MRTFA: variants seen among roughly 807,000 people sequenced by gnomAD.
The protein encoded by MRTFA is myocardin related transcription factor A.
In MRTFA, 20 loss-of-function variants were observed where a neutral mutation model predicts 83.5. The observed-to-expected ratio is 0.24, with a 90% CI of 0.17 to 0.35. The LOEUF (loss-of-function observed/expected upper bound fraction) is 0.35. MRTFA is among the 10% of genes least tolerant of loss of function. The pLI is 1.00. For missense variants in MRTFA, 1,200 were observed against 1,224.7 expected, an observed-to-expected ratio of 0.98 and a Z score of 0.30; for synonymous variants, 659 against 541.2, an observed-to-expected ratio of 1.22 and a Z score of -3.02.
chr22:40,550,064 A>G (rs533085802), intron 3 of MRTFA, among the ~76,000 whole-genome samples: 2 of 150,618 alleles, frequency 1.3e-5, no homozygotes, highest in Admixed American at 1.3e-4. Context: ...AAAAAAAAAA[A>G]AAAATTAAAT....
intron 4 of MRTFA, among the ~76,000 whole-genome samples, chr22:40,441,771 A>G (rs2053279814): frequency 6.6e-6 from 1 of 151,752 alleles, no homozygotes; most frequent in African/African-American, 2.4e-5. Context: ...TGGGTGACAG[A>G]GCAAGACTCC....
At chr22:40,624,520 T>C (rs1713511707) in intron 1 of MRTFA, among the ~76,000 whole-genome samples, 1 of 151,366 alleles carries the variant, frequency 6.6e-6, no homozygotes, top group East Asian at 1.9e-4. Context: ...TAAAAACAGG[T>C]GCATTCAACC....
intron 2 of MRTFA, chr22:40,586,819 CT>C: frequency 2.6e-6 from 1 of 389,030 alleles, no homozygotes; most frequent in Non-Finnish European, 5.1e-6. Context: ...CAACAACCTT[CT>C]TTCCTTTCTT....
chr22:40,622,906 G>A (rs1055621611), intron 1 of MRTFA, among the ~76,000 whole-genome samples: 2 of 152,226 alleles, frequency 1.3e-5, no homozygotes, highest in African/African-American at 4.8e-5. Context: ...TGATTAAGAA[G>A]TGATCAGATT....
intron 2 of MRTFA, among the ~76,000 whole-genome samples, chr22:40,584,114 A>C (rs1163836004): frequency 6.6e-6 from 1 of 152,234 alleles, no homozygotes; most frequent in African/African-American, 2.4e-5. Flanking sequence ...ATGGGAAAAA[A>C]ATCAGGATGG....
chr22:40,574,337 C>A (rs2055838347), intron 2 of MRTFA, among the ~76,000 whole-genome samples: 1 of 152,138 alleles, frequency 6.6e-6, no homozygotes, highest in African/African-American at 2.4e-5. Context: ...TGAATGGCTG[C>A]ATCTATACTG....
chr22:40,596,002 C>A (rs1452871714), intron 1 of MRTFA, among the ~76,000 whole-genome samples: 1 of 151,078 alleles, frequency 6.6e-6, no homozygotes, highest in Non-Finnish European at 1.5e-5. Flanking sequence ...GCCCTGAAGC[C>A]TTTCATAATC....
chr22:40,582,534 C>T (rs984249965), intron 2 of MRTFA, among the ~76,000 whole-genome samples: 20 of 152,072 alleles, frequency 1.3e-4, no homozygotes, highest in African/African-American at 4.8e-4. Flanking sequence ...GTGCTGAATT[C>T]CTATGAGTTG....
intron 4 of MRTFA, 147 bp downstream of exon 4, chr22:40,463,074 T>C (rs2053743389): frequency 1.4e-6 from 1 of 728,388 alleles, no homozygotes; most frequent in Admixed American, 2.2e-5. Context: ...GATTGAGCTC[T>C]AAACTTGGAA....
At chr22:40,535,384 C>T (rs2055153247) in intron 3 of MRTFA, among the ~76,000 whole-genome samples, 1 of 123,106 alleles carries the variant, frequency 8.1e-6, no homozygotes, top group African/African-American at 3.2e-5. Context: ...GACTAGGTCT[C>T]ACTCTGTCCC....
intron 3 of MRTFA, among the ~76,000 whole-genome samples, chr22:40,483,889 T>C (rs996839439): frequency 6.6e-6 from 1 of 151,874 alleles, no homozygotes; most frequent in African/African-American, 2.4e-5. Context: ...TTTGTTTTTG[T>C]AGAGATGGTG....
At chr22:40,544,927 AAAATAAAT>A (rs537218672) in intron 3 of MRTFA, among the ~76,000 whole-genome samples, 234 of 151,146 alleles carry the variant, frequency 1.5e-3, no homozygotes, top group African/African-American at 5.3e-3. Context: ...ACTGTCTTGA[AAAATAAAT>A]AAATAAATAA....
intron 4 of MRTFA, among the ~76,000 whole-genome samples, chr22:40,438,486 T>C (rs1239893366): frequency 6.6e-6 from 1 of 152,104 alleles, no homozygotes; most frequent in Non-Finnish European, 1.5e-5. Context: ...AGAAGAACAA[T>C]TCACCAGAAC....
At chr22:40,491,240 G>T (rs2054267015) in intron 3 of MRTFA, among the ~76,000 whole-genome samples, 1 of 152,156 alleles carries the variant, frequency 6.6e-6, no homozygotes, top group Non-Finnish European at 1.5e-5. Flanking sequence ...TACTCAGGAG[G>T]CTGAGGCTGG....
At chr22:40,513,372 G>A (rs867142675) in intron 3 of MRTFA, among the ~76,000 whole-genome samples, 11 of 152,000 alleles carry the variant, frequency 7.2e-5, no homozygotes, top group Middle Eastern at 3.4e-3. Flanking sequence ...AGGCCAAGGC[G>A]GGTGGATGAC....
At chr22:40,413,842 G>GTTCCACGTCAC (rs1345958685) in intron 14 of MRTFA, among the ~76,000 whole-genome samples, 2 of 152,202 alleles carry the variant, frequency 1.3e-5, no homozygotes, top group East Asian at 3.8e-4. Context: ...ATGAAAAGAT[G>GTTCCACGTCAC]TTCCACGTCA....
At chr22:40,565,450 G>A (rs2055688714) in intron 2 of MRTFA, among the ~76,000 whole-genome samples, 1 of 152,184 alleles carries the variant, frequency 6.6e-6, no homozygotes, top group East Asian at 1.9e-4. Context: ...CGGGGGCTGA[G>A]GTGAGAAGAT....
At position 40,423,630 on chromosome 22, in the gene MRTFA, T is replaced by C. The variant is rs1432863204; in HGVS notation, c.833A>G (p.Glu278Gly). The stretch of plus-strand genomic sequence containing the variant: ...AGGTGGGGGAGGCAGAGGAGGCTGC[T>C]CTGCCAGGAAAAGCATTTCTCTGGA... Residue 278 changes from glutamate to glycine, a missense_variant, in exon 9 of 15, where the codon GAG (glutamate) becomes GGG (glycine). Coordinates refer to ENST00000355630, the MANE Select transcript of MRTFA (RefSeq NM_020831.6). The C allele has an allele frequency of 6.3e-7, 1 of 1,594,872 alleles. No individual in the cohort carries two copies. The highest frequency in any genetic ancestry group is 1.7e-5 in the Admixed American group (1 of 57,964).
Position 40,419,211 on chromosome 22 carries a change from G to T in MRTFA, c.1527C>A (p.Ala509=). ...CCGTGCTCAGCCGGGCCGCTGGGAA[G>T]GCTACCACCACCTCGCCAGCCTTGT... The change falls in exon 12 of 15, where the codon GCC becomes GCA. Residue 509 remains alanine (A), a synonymous_variant. Transcript: ENST00000355630. 6.2e-7 allele frequency: 1 copy of T among 1,600,640 alleles called. No individual in the cohort carries two copies. Among genetic ancestry groups the T allele is most frequent in the Non-Finnish European group, 8.5e-7 (1 of 1,173,758 alleles).
Sources: allele counts gnomAD v4.1 joint callset (sites outside exome capture counted in the v4.1 genomes callset), GRCh38; gene constraint gnomAD v4.1.1; transcripts MANE v1.5; gene names NCBI Gene and HGNC (gene_info 2026-07-23, HGNC 2026-07-21).